Variants in RALGPS2 observed in about 807,000 individuals in gnomAD.
RALGPS2 encodes the protein Ral GEF with PH domain and SH3 binding motif 2, also known as ras-specific guanine nucleotide-releasing factor RalGPS2.
In RALGPS2, 43 loss-of-function variants were observed where a neutral mutation model predicts 86.8. The ratio of observed to expected loss-of-function variants is 0.50; its 90% confidence interval spans 0.39 to 0.64. RALGPS2 has a LOEUF of 0.64. Ranked by LOEUF, RALGPS2 falls within the 30% of genes least tolerant of loss-of-function variation. The probability of loss-of-function intolerance (pLI) is 0.00; values close to 1 mark genes in which losing one functional copy is unlikely to be tolerated. For missense variants in RALGPS2, 536 were observed against 694.6 expected, an observed-to-expected ratio of 0.77 and a Z score of 2.57; for synonymous variants, 243 against 231.3, an observed-to-expected ratio of 1.05 and a Z score of -0.46.
At chr1:178,873,502 T>A (rs1327875104) in intron 8 of RALGPS2, among the ~76,000 whole-genome samples, 3 of 152,058 alleles carry the variant, frequency 2.0e-5, no homozygotes, top group African/African-American at 7.2e-5. Context: ...ATACCGTGAG[T>A]GGGAGTATGA....
At chr1:178,754,686 A>G (rs766818085) in intron 1 of RALGPS2, among the ~76,000 whole-genome samples, 3 of 152,202 alleles carry the variant, frequency 2.0e-5, no homozygotes, top group Non-Finnish European at 4.4e-5. Context: ...CACCCAGAAT[A>G]GTGTTTGACC....
rs139246466 is a variant in RALGPS2, at chr1:178,856,190, C to CAGAG, written c.608-21298_608-21295dup. On this transcript the variant is annotated intron_variant, in intron 8 of 19. Transcript: ENST00000367635. ...GAGAACTGTGTTACCTGTACTTTTC[C>CAGAG]AGAGAGAGAGAGATATATATATATA... Among the ~76,000 whole-genome samples the CAGAG allele has an allele frequency of 1.3e-3, 91 of 69,056 alleles. 1 individual carries two copies. Among genetic ancestry groups the CAGAG allele is most frequent in the African/African-American group, 4.8e-3 (87 of 18,258 alleles). The allele number at this position is 69,056 out of a possible 152,430, so 45.3% of individuals were successfully genotyped here.
chr1:178,829,685 A>G (rs192152868), intron 7 of RALGPS2, among the ~76,000 whole-genome samples: 6 of 152,246 alleles, frequency 3.9e-5, no homozygotes, highest in East Asian at 1.9e-4. Context: ...TAATAAGACT[A>G]TGTTGTATAC....
chr1:178,834,120 A>G (rs1480208916), intron 8 of RALGPS2, among the ~76,000 whole-genome samples: 11 of 152,204 alleles, frequency 7.2e-5, no homozygotes, highest in Admixed American at 6.5e-4. Context: ...TTATAAGATT[A>G]TTTTTAACAA....
chr1:178,859,401 C>CTTTTTT (rs543947031), intron 8 of RALGPS2, among the ~76,000 whole-genome samples: 3 of 122,900 alleles, frequency 2.4e-5, no homozygotes, highest in Non-Finnish European at 5.1e-5. Context: ...CCAAGTTTAA[C>CTTTTTT]TTTTTTTTTT....
chr1:178,773,882 A>G (rs1315207400), intron 1 of RALGPS2, among the ~76,000 whole-genome samples: 1 of 152,198 alleles, frequency 6.6e-6, no homozygotes, highest in East Asian at 1.9e-4. Flanking sequence ...GCTATATTTT[A>G]AAATATGTAA....
intron 8 of RALGPS2, 49 bp from the exon 9 acceptor site, chr1:178,877,449 C>A: frequency 6.2e-7 from 1 of 1,605,218 alleles, no homozygotes. Flanking sequence ...TTGTCATAGT[C>A]TCCCAACCTA....
rs1377878592 is a variant in RALGPS2 at position 178,884,000 on chromosome 1, A to G, written c.904+467A>G. On this transcript the variant is annotated intron_variant, in intron 11 of 19. Transcript: ENST00000367635. ...CAAGACTCCATCTCAAAAAAAAAAA[A>G]TGTTGCTATAGTTTGTCAGTAGTGT... Among the ~76,000 whole-genome samples, 5 of 152,254 alleles carry G rather than the reference A, an allele frequency of 3.3e-5. No homozygotes were observed. The East Asian group carries it at 7.7e-4, about 24-fold the overall frequency.
intron 8 of RALGPS2, among the ~76,000 whole-genome samples, chr1:178,848,853 C>T (rs1222648646): frequency 6.6e-6 from 1 of 152,110 alleles, no homozygotes; most frequent in Non-Finnish European, 1.5e-5. Context: ...TGGTCTCAAA[C>T]TCCTGAGCTC....
chr1:178,739,151 A>C (rs1650882281), intron 1 of RALGPS2, among the ~76,000 whole-genome samples: 1 of 152,164 alleles, frequency 6.6e-6, no homozygotes, highest in African/African-American at 2.4e-5. Flanking sequence ...TTTAGATCCT[A>C]TCTCTTAAAG....
intron 8 of RALGPS2, among the ~76,000 whole-genome samples, chr1:178,848,908 A>T (rs1221487025): frequency 6.6e-6 from 1 of 152,018 alleles, no homozygotes. Flanking sequence ...GGGATTACAG[A>T]TGTGAGCCAC....
chr1:178,801,993 A>G (rs1028765745), intron 4 of RALGPS2, among the ~76,000 whole-genome samples: 2 of 152,154 alleles, frequency 1.3e-5, no homozygotes, highest in Non-Finnish European at 2.9e-5. Context: ...CCCATGAAAC[A>G]GTGTTACATC....
chr1:178,897,522 G>C (rs189541944), intron 16 of RALGPS2, 142 bp from the exon 17 acceptor site: 443 of 632,578 alleles, frequency 7.0e-4, no homozygotes, highest in Non-Finnish European at 1.1e-3. Flanking sequence ...TTGAGATTAA[G>C]ATTTCAGAAG....
At chr1:178,793,930 T>A (rs1654071375) in intron 4 of RALGPS2, among the ~76,000 whole-genome samples, 1 of 152,170 alleles carries the variant, frequency 6.6e-6, no homozygotes, top group South Asian at 2.1e-4. Context: ...TTTCCAATGC[T>A]GAGTAGGGCA....
intron 10 of RALGPS2, 140 bp from the exon 11 acceptor site, chr1:178,883,326 T>A (rs1235819109): frequency 3.2e-6 from 2 of 619,970 alleles, no homozygotes; most frequent in East Asian, 5.9e-5. Flanking sequence ...AAGAAGAAGA[T>A]TGCTCTTGAA....
At chr1:178,851,537 A>G (rs187618008) in intron 8 of RALGPS2, among the ~76,000 whole-genome samples, 3 of 151,866 alleles carry the variant, frequency 2.0e-5, no homozygotes, top group Non-Finnish European at 2.9e-5. Context: ...CTTGCTTACA[A>G]TGTACTTTTT....
intron 4 of RALGPS2, 128 bp from the exon 5 acceptor site, chr1:178,807,917 T>C (rs1572352952): frequency 1.4e-6 from 1 of 698,044 alleles, no homozygotes; most frequent in Non-Finnish European, 2.6e-6. Flanking sequence ...TATAATATTA[T>C]GTATGTTCCC....
intron 9 of RALGPS2, 117 bp downstream of exon 9, chr1:178,877,752 C>G: frequency 7.9e-7 from 1 of 1,269,438 alleles, no homozygotes; most frequent in African/African-American, 1.5e-5. Flanking sequence ...TATTTCCATT[C>G]TAATGTAAAG....
intron 14 of RALGPS2, among the ~76,000 whole-genome samples, chr1:178,891,386 T>C (rs2102388493): frequency 6.6e-6 from 1 of 152,256 alleles, no homozygotes; most frequent in East Asian, 1.9e-4. Context: ...AATGTTGACA[T>C]ACCATTTTCT....
Sources: allele counts gnomAD v4.1 joint callset (sites outside exome capture counted in the v4.1 genomes callset), GRCh38; gene constraint gnomAD v4.1.1; transcripts MANE v1.5; gene names NCBI Gene and HGNC (gene_info 2026-07-23, HGNC 2026-07-21).